The following ATG3 variants were observed in gnomAD, a reference collection of about 807,000 sequenced individuals.
The protein encoded by ATG3 is ubiquitin-like-conjugating enzyme ATG3.
In ATG3, 25 loss-of-function variants were observed where a neutral mutation model predicts 50.7. That is an observed-to-expected ratio of 0.49 (90% CI 0.36 to 0.69). ATG3 has a LOEUF of 0.69. Among genes scored for constraint, ATG3 ranks in the 30% least tolerant of loss-of-function variants. The pLI is 0.00. For missense variants in ATG3, 281 were observed against 376.0 expected, an observed-to-expected ratio of 0.75 and a Z score of 2.09; for synonymous variants, 119 against 125.5, an observed-to-expected ratio of 0.95 and a Z score of 0.34.
intron 3 of ATG3, among the ~76,000 whole-genome samples, chr3:112,551,467 G>GT (rs1933526477): frequency 6.6e-6 from 1 of 152,148 alleles, no homozygotes; most frequent in Admixed American, 6.5e-5. Context: ...CAAAAGTGTG[G>GT]ACACTGAAGT....
chr3:112,534,091 A>T, intron 11 of ATG3, 178 bp downstream of exon 11: 1 of 1,345,370 alleles, frequency 7.4e-7, no homozygotes, highest in Non-Finnish European at 9.5e-7. Context: ...TCAACTAAGC[A>T]AGGCATAACT....
At chr3:112,554,608 C>T (rs1383229165) in intron 2 of ATG3, among the ~76,000 whole-genome samples, 3 of 152,244 alleles carry the variant, frequency 2.0e-5, no homozygotes, top group Admixed American at 6.5e-5. Context: ...GTGGTCTCTA[C>T]ACATGGACGC....
At chr3:112,539,048 C>T (rs894932647) in intron 7 of ATG3, among the ~76,000 whole-genome samples, 3 of 152,168 alleles carry the variant, frequency 2.0e-5, no homozygotes, top group Admixed American at 1.3e-4. Context: ...CTCTTTGGCT[C>T]AACCCTCAAA....
rs1933878127 is a variant in ATG3, at chr3:112,561,490, C to T, written c.39G>A (p.Leu13=). ...NVINTVKGKA[L]EVAEYLTPVL... ...CCGGGGTCAGGTACTCAGCCACTTC[C>T]AGTGCCTTTCCCTTCACAGTATTAA... The change falls in exon 1 of 12, where the codon CTG becomes CTA. Residue 13 remains leucine (L), a synonymous_variant. Transcript: ENST00000283290. 2 of 1,613,312 alleles carry T rather than the reference C, an allele frequency of 1.2e-6. No individual in the cohort carries two copies. The highest frequency in any genetic ancestry group is 1.7e-5 in the Admixed American group (1 of 60,022).
At chr3:112,552,720 G>A (rs1041791366) in intron 3 of ATG3, among the ~76,000 whole-genome samples, 3 of 149,348 alleles carry the variant, frequency 2.0e-5, no homozygotes, top group African/African-American at 4.9e-5. Context: ...CATCATCTCC[G>A]GCTCACTGCA....
chr3:112,538,192 A>C lies in ATG3; in HGVS notation c.476-12T>G. On this transcript the variant is annotated splice_polypyrimidine_tract_variant and intron_variant, in intron 7 of 11. Coordinates refer to ENST00000283290, the MANE Select transcript of ATG3 (RefSeq NM_022488.5). ...ACTCTCTTCATATTCTGTTATAAAA[A>C]AACAACAAAAGATTAATCAAGTTCA... is the stretch of plus-strand genomic sequence containing the variant. 6.4e-7 allele frequency: 1 copy of C among 1,566,792 alleles called. No homozygotes were observed. Among genetic ancestry groups the C allele is most frequent in the Non-Finnish European group, 8.7e-7 (1 of 1,150,660 alleles).
chr3:112,539,884 T>C (rs1432571028), intron 7 of ATG3, among the ~76,000 whole-genome samples: 2 of 152,242 alleles, frequency 1.3e-5, no homozygotes, highest in Non-Finnish European at 2.9e-5. Flanking sequence ...AGCTTGTACT[T>C]TGAAAACAGT....
chr3:112,545,314 C>G (rs926230554), intron 5 of ATG3, among the ~76,000 whole-genome samples: 5 of 152,184 alleles, frequency 3.3e-5, no homozygotes, highest in African/African-American at 1.2e-4. Flanking sequence ...CACCACCAGT[C>G]AGCTAGATAA....
At chr3:112,554,070 T>C (rs1199480312) in intron 2 of ATG3, among the ~76,000 whole-genome samples, 1 of 152,252 alleles carries the variant, frequency 6.6e-6, no homozygotes, top group Non-Finnish European at 1.5e-5. Context: ...TTTAACCATT[T>C]GAGAATTATC....
chr3:112,538,086 G>T, intron 8 of ATG3, 60 bp downstream of exon 8: 1 of 1,337,386 alleles, frequency 7.5e-7, no homozygotes, highest in Non-Finnish European at 1.0e-6. Flanking sequence ...TTATTAGTAA[G>T]AACATGCATC....
At chr3:112,549,517 T>G (rs1008887359) in intron 4 of ATG3, among the ~76,000 whole-genome samples, 1 of 152,162 alleles carries the variant, frequency 6.6e-6, no homozygotes, top group Admixed American at 6.5e-5. Context: ...AATAAAACAC[T>G]ACCTGTTTCA....
In ATG3 at chr3:112,550,053, T is replaced by C. The variant is rs1933487069; in HGVS notation, c.235+139A>G. 5 of 576,070 alleles carry C rather than the reference T, an allele frequency of 8.7e-6. No homozygotes were observed. In the East Asian group the frequency reaches 1.5e-4, roughly 18 times the overall value. The allele number at this position is 576,070 out of a possible 1,614,324, so 35.7% of individuals were successfully genotyped here. A position where few individuals can be genotyped will look rare whatever the true frequency, so the allele number is the denominator to read the frequency against. On this transcript the variant is annotated intron_variant, in intron 4 of 11. Coordinates refer to ENST00000283290, the MANE Select transcript of ATG3 (RefSeq NM_022488.5). The stretch of plus-strand genomic sequence containing the variant: ...CCCTCTTCCTTCGTATCTTGACAAC[T>C]ATATGTTTTTGGCAAAAAGAAATAA...
intron 5 of ATG3, among the ~76,000 whole-genome samples, chr3:112,544,819 T>A (rs1025545468): frequency 6.6e-6 from 1 of 152,058 alleles, no homozygotes; most frequent in Non-Finnish European, 1.5e-5. Context: ...TATTTCTGAT[T>A]TTTTTAGATT....
In ATG3 at chr3:112,553,269, A is replaced by C; in HGVS notation, c.164+11T>G. On this transcript the variant is annotated intron_variant, in intron 3 of 11. Transcript: ENST00000283290. Reference sequence around the variant, plus strand: ...TTACTAATTTTCTATTCTTTACTCAATATTACTTACCATTGCCATGTTGGA... The same window carrying C: ...TTACTAATTTTCTATTCTTTACTCACTATTACTTACCATTGCCATGTTGGA... 6.2e-7 allele frequency: 1 copy of C among 1,600,240 alleles called. No homozygotes were observed. The highest frequency in any genetic ancestry group is 8.6e-7 in the Non-Finnish European group (1 of 1,167,670).
rs753366607 is a variant in ATG3, at chr3:112,534,223, C to G, written c.863+46G>C. ...ACACTAAATTTCTCAAAAAAAAAAT[C>G]GTTAACAGCCATTTTGCCACTAATC... On this transcript the variant is annotated intron_variant, in intron 11 of 11. Coordinates refer to ENST00000283290, the MANE Select transcript of ATG3 (RefSeq NM_022488.5). 2.1e-6 allele frequency: 3 copies of G among 1,432,866 alleles called. No homozygotes were observed. The East Asian group carries it at 7.1e-5, about 34-fold the overall frequency. 88.8% of individuals were successfully genotyped at this position (1,432,866 alleles called of 1,614,324 possible). A position where few individuals can be genotyped will look rare whatever the true frequency, so the allele number is the denominator to read the frequency against.
At chr3:112,548,306 C>T (rs1350366248) in intron 5 of ATG3, among the ~76,000 whole-genome samples, 1 of 152,046 alleles carries the variant, frequency 6.6e-6, no homozygotes, top group African/African-American at 2.4e-5. Flanking sequence ...GAGCAAAGAT[C>T]GCACTCCAGC....
At chr3:112,541,050 G>A (rs1933210242) in intron 7 of ATG3, among the ~76,000 whole-genome samples, 2 of 152,134 alleles carry the variant, frequency 1.3e-5, no homozygotes, top group Non-Finnish European at 1.5e-5. Flanking sequence ...CTAGGAGGAG[G>A]ACTTTTCAGA....
chr3:112,554,300 A>G (rs1227803163), intron 2 of ATG3, among the ~76,000 whole-genome samples: 1 of 152,236 alleles, frequency 6.6e-6, no homozygotes, highest in Non-Finnish European at 1.5e-5. Flanking sequence ...AAAGAAGTGA[A>G]AATAGCCTTA....
intron 5 of ATG3, among the ~76,000 whole-genome samples, chr3:112,544,657 G>GAAAAAAAAAAAAA (rs1559845139): frequency 1.2e-3 from 1 of 820 alleles, no homozygotes; most frequent in Non-Finnish European, 8.2e-3. Context: ...TCCGTCTCAG[G>GAAAAAAAAAAAAA]GAAAAAAAAA....
Sources: gnomAD v4.1 joint callset for allele counts (sites outside exome capture counted in the v4.1 genomes callset) on GRCh38, gnomAD v4.1.1 for gene constraint, MANE v1.5 for transcripts, NCBI Gene and HGNC (gene_info 2026-07-23, HGNC 2026-07-21) for gene names.